The following CSNK1A1 variants were observed in gnomAD, a reference collection of about 807,000 sequenced individuals.
CSNK1A1 encodes casein kinase I isoform alpha.
A neutral mutation model predicts 46.1 loss-of-function variants in CSNK1A1; 7 were observed. The ratio of observed to expected loss-of-function variants is 0.15; its 90% CI spans 0.09 to 0.29. CSNK1A1 has a LOEUF of 0.29. Among genes scored for constraint, CSNK1A1 ranks in the 10% least tolerant of loss-of-function variants. CSNK1A1 has a pLI of 1.00. For synonymous variants in CSNK1A1, 137 were observed against 141.5 expected (o/e 0.97, Z 0.23); for missense variants, 96 against 417.1 (o/e 0.23, Z 6.71).
chr5:149,526,635 A>C (rs1237142750), intron 2 of CSNK1A1, among the ~76,000 whole-genome samples: 1 of 152,212 alleles, frequency 6.6e-6, no homozygotes, highest in Non-Finnish European at 1.5e-5. Context: ...TTTCTAGAAA[A>C]TGCAAAGATA....
chr5:149,547,903 G>A (rs183151171), intron 2 of CSNK1A1, among the ~76,000 whole-genome samples: 4 of 150,772 alleles, frequency 2.7e-5, no homozygotes, highest in African/African-American at 4.9e-5. Context: ...ATGGCGTCTC[G>A]CTCTGTCACC....
At chr5:149,512,986 C>T in intron 5 of CSNK1A1, 84 bp downstream of exon 5, 1 of 1,483,378 alleles carries the variant, frequency 6.7e-7, no homozygotes, top group Non-Finnish European at 9.2e-7. Flanking sequence ...CATCCTTAGA[C>T]ATTGTAAGAA....
At chr5:149,506,915 T>C (rs1168534739) in intron 8 of CSNK1A1, 112 bp downstream of exon 8, 3 of 775,368 alleles carry the variant, frequency 3.9e-6, no homozygotes, top group South Asian at 4.5e-5. Flanking sequence ...AACCTTTTAT[T>C]CATGTTAGCT....
At chr5:149,500,348 A>G (rs1760805714) in intron 9 of CSNK1A1, among the ~76,000 whole-genome samples, 1 of 152,004 alleles carries the variant, frequency 6.6e-6, no homozygotes, top group Non-Finnish European at 1.5e-5. Context: ...CATGTTAGCC[A>G]AGATGGTCTG....
At chr5:149,540,713 TG>T (rs1762201387) in intron 2 of CSNK1A1, among the ~76,000 whole-genome samples, 1 of 152,192 alleles carries the variant, frequency 6.6e-6, no homozygotes, top group Non-Finnish European at 1.5e-5. Context: ...ATGAGCAATG[TG>T]TGCATACAAA....
intron 9 of CSNK1A1, chr5:149,501,503 T>C (rs1307342790): frequency 1.0e-6 from 1 of 985,344 alleles, no homozygotes. Flanking sequence ...TGGAAGGTAA[T>C]TCAAGGAAGA....
intron 2 of CSNK1A1, among the ~76,000 whole-genome samples, chr5:149,533,842 T>TA (rs1401283345): frequency 2.0e-5 from 3 of 152,224 alleles, no homozygotes; most frequent in African/African-American, 7.2e-5. Flanking sequence ...AATGTACTTA[T>TA]AGTCTTCATA....
chr5:149,496,977 T>C (rs1760673454), intron 9 of CSNK1A1, 117 bp from the exon 10 acceptor site: 1 of 1,468,276 alleles, frequency 6.8e-7, no homozygotes, highest in Non-Finnish European at 8.9e-7. Flanking sequence ...CTCATGTTAT[T>C]TCGTCTCTTG....
At chr5:149,535,852 G>C (rs936507620) in intron 2 of CSNK1A1, among the ~76,000 whole-genome samples, 10 of 151,878 alleles carry the variant, frequency 6.6e-5, no homozygotes, top group Non-Finnish European at 1.3e-4. Flanking sequence ...TGCCATGTTG[G>C]GGGGACTGGT....
chr5:149,542,652 A>ATG (rs1561772648), intron 2 of CSNK1A1, among the ~76,000 whole-genome samples: 5 of 6,354 alleles, frequency 7.9e-4, no homozygotes, highest in African/African-American at 5.8e-3. Flanking sequence ...ATATATATAT[A>ATG]TATATATATA....
intron 3 of CSNK1A1, among the ~76,000 whole-genome samples, chr5:149,523,065 G>C (rs1301595580): frequency 6.9e-6 from 1 of 145,422 alleles, no homozygotes; most frequent in African/African-American, 2.6e-5. Flanking sequence ...TTTTGAGACA[G>C]AGTCTCGTTC....
At chr5:149,511,936 G>C in intron 5 of CSNK1A1, 64 bp from the exon 6 acceptor site, 1 of 1,235,600 alleles carries the variant, frequency 8.1e-7, no homozygotes, top group Non-Finnish European at 1.2e-6. Flanking sequence ...ATGAAAGAAA[G>C]TCAAGTACCC....
chr5:149,503,142 A>G (rs1760925673), intron 9 of CSNK1A1: 2 of 985,268 alleles, frequency 2.0e-6, no homozygotes. Context: ...TTACTTAGAG[A>G]CTGGAAGCAG....
intron 9 of CSNK1A1, chr5:149,504,722 T>C (rs1307609869): frequency 6.1e-6 from 6 of 985,400 alleles, no homozygotes; most frequent in Non-Finnish European, 6.0e-6. Context: ...AATTCCACAT[T>C]AAACCCTGGG....
chr5:149,520,109 T>C lies in CSNK1A1; in HGVS notation c.456+181A>G, dbSNP rs551637383. 3.3e-5 allele frequency among the ~76,000 whole-genome samples: 5 copies of C among 152,330 alleles called. No individual in the cohort carries two copies. The South Asian group carries it at 8.3e-4, about 25-fold the overall frequency. ...CCTCGGTTGGGTAAGTTGAAGATAA[T>C]TTATTTCAAGTTACTAAGTTAATGG... On this transcript the variant is annotated intron_variant, in intron 4 of 9. Coordinates refer to ENST00000377843, the MANE Select transcript of CSNK1A1 (RefSeq NM_001892.6).
intron 6 of CSNK1A1, among the ~76,000 whole-genome samples, chr5:149,510,724 C>G (rs1761193586): frequency 6.6e-6 from 1 of 152,056 alleles, no homozygotes; most frequent in South Asian, 2.1e-4. Flanking sequence ...AGTGATCCGC[C>G]TGGCTGGGCC....
At chr5:149,519,636 A>G (rs1213844127) in intron 4 of CSNK1A1, among the ~76,000 whole-genome samples, 1 of 152,158 alleles carries the variant, frequency 6.6e-6, no homozygotes, top group African/African-American at 2.4e-5. Context: ...CCAAATGAAC[A>G]CTAGTTTTGT....
At chr5:149,549,293 G>A (rs1029518164) in intron 2 of CSNK1A1, 27 of 570,718 alleles carry the variant, frequency 4.7e-5, no homozygotes, top group South Asian at 4.5e-4. Context: ...ATTTAGTCCC[G>A]ACTGAAACGT....
intron 4 of CSNK1A1, 65 bp downstream of exon 4, chr5:149,520,225 T>C: frequency 9.6e-7 from 1 of 1,045,608 alleles, no homozygotes; most frequent in South Asian, 1.5e-5. Flanking sequence ...ATTGAAAAGT[T>C]TACCAAAGCA....
Sources: gnomAD v4.1 joint callset for allele counts (sites outside exome capture counted in the v4.1 genomes callset) on GRCh38, gnomAD v4.1.1 for gene constraint, MANE v1.5 for transcripts, NCBI Gene and HGNC (gene_info 2026-07-23, HGNC 2026-07-21) for gene names.